The following CPZ variants were observed in gnomAD, a reference collection of about 807,000 sequenced individuals.
The protein encoded by CPZ is carboxypeptidase Z.
A neutral mutation model predicts 61.8 loss-of-function variants in CPZ; 103 were observed. The ratio of observed to expected loss-of-function variants is 1.67; its 90% CI spans 1.42 to 1.96. CPZ has a LOEUF of 1.96. Ranked by LOEUF, CPZ falls within the 30% of genes most tolerant of loss-of-function variation. The pLI is 0.00. For synonymous variants in CPZ, 551 were observed against 373.7 expected, an observed-to-expected ratio of 1.47 and a Z score of -5.47; for missense variants, 1,461 against 914.9, an observed-to-expected ratio of 1.60 and a Z score of -7.70.
chr4:8,613,612 C>G (rs1242649599), intron 8 of CPZ, among the ~76,000 whole-genome samples: 1 of 152,196 alleles, frequency 6.6e-6, no homozygotes, highest in Non-Finnish European at 1.5e-5. Context: ...CCTGTGGCCC[C>G]CGACACAGCC....
intron 1 of CPZ, among the ~76,000 whole-genome samples, 184 bp downstream of exon 1, chr4:8,593,105 A>G (rs1171156673): frequency 2.0e-5 from 3 of 152,064 alleles, no homozygotes; most frequent in Non-Finnish European, 4.4e-5. Context: ...TCTCCCCTGG[A>G]CGGGGACACC....
chr4:8,604,268 G>T, intron 4 of CPZ, 80 bp downstream of exon 4: 1 of 1,372,710 alleles, frequency 7.3e-7, no homozygotes, highest in Non-Finnish European at 9.7e-7. Context: ...TGCACAAGTT[G>T]GTGGGGTGTT....
intron 10 of CPZ, 135 bp downstream of exon 10, chr4:8,618,663 G>A (rs1206983507): frequency 2.6e-6 from 2 of 782,808 alleles, no homozygotes; most frequent in Admixed American, 2.4e-5. Flanking sequence ...CAGGCTGGCT[G>A]GGTCGGGGAG....
At chr4:8,611,988 G>A (rs1321602463) in intron 7 of CPZ, 39 bp from the exon 8 acceptor site, 2 of 1,613,102 alleles carry the variant, frequency 1.2e-6, no homozygotes, top group East Asian at 4.5e-5. Context: ...ACGTCCTGCA[G>A]GGGACCCTTT....
chr4:8,611,075 T>TTCATTCGC (rs1157077961), intron 7 of CPZ: 2 of 362,966 alleles, frequency 5.5e-6, no homozygotes, highest in Non-Finnish European at 5.8e-6. Flanking sequence ...CATTCACTCA[T>TTCATTCGC]TCATTCGCTC....
chr4:8,619,341 C>T lies in CPZ; in HGVS notation c.1683C>T (p.Val561=), dbSNP rs1040427279. Residue 561 remains valine (V), a synonymous_variant, in exon 11 of 11, where the codon GTC becomes GTT. Transcript: ENST00000360986. The stretch of plus-strand genomic sequence containing the variant: ...CCCAAGCCCCTGGCTACGCCAAAGT[C>T]ATCAAGAAAGTCATCATCCCCGCCC... ...VIAQAPGYAK[V]IKKVIIPARM... is the part of the protein sequence containing the mutation. 7.4e-6 allele frequency: 12 copies of T among 1,614,060 alleles called. No individual in the cohort carries two copies. The highest frequency in any genetic ancestry group is 2.7e-5 in the African/African-American group (2 of 74,934).
chr4:8,615,201 G>A (rs144141677), intron 9 of CPZ, among the ~76,000 whole-genome samples: 37 of 152,214 alleles, frequency 2.4e-4, no homozygotes, highest in Admixed American at 3.3e-4. Context: ...GCAGGCAGGT[G>A]GGAGGTGAGT....
At chr4:8,614,940 A>G (rs921971162) in intron 9 of CPZ, among the ~76,000 whole-genome samples, 2 of 151,996 alleles carry the variant, frequency 1.3e-5, no homozygotes, top group Admixed American at 1.3e-4. Context: ...TAGAACCCCA[A>G]GGGGACATCA....
intron 7 of CPZ, among the ~76,000 whole-genome samples, chr4:8,608,738 G>A (rs1413150173): frequency 6.6e-6 from 1 of 152,082 alleles, no homozygotes; most frequent in Non-Finnish European, 1.5e-5. Flanking sequence ...TGAGGTGGCG[G>A]TTTCCCAAAA....
chr4:8,603,126 A>G (rs1351915396), intron 3 of CPZ: 1 of 152,264 alleles, frequency 6.6e-6, no homozygotes, highest in Non-Finnish European at 1.5e-5. Flanking sequence ...CGTTTTGAGC[A>G]GAAGCAAAAC....
chr4:8,613,109 G>T (rs1018466238), intron 8 of CPZ, among the ~76,000 whole-genome samples: 1 of 151,328 alleles, frequency 6.6e-6, no homozygotes, highest in South Asian at 2.1e-4. Flanking sequence ...CACGAGCAGA[G>T]CTGGGAGAGG....
Position 8,606,034 on chromosome 4 carries a change from T to G in CPZ, c.755T>G (p.Val252Gly). ...ATCGGCAACATTCATGGCAACGAGG[T>G]GGCGGGCCGGGAGATGCTCATCTAC... ...KLIGNIHGNE[V>G]AGREMLIYLA... is the part of the protein sequence containing the mutation. Residue 252 changes from valine (V) to glycine (G), a missense_variant, in exon 5 of 11, where the codon GTG (valine) becomes GGG (glycine). Transcript: ENST00000360986. 1 of 1,614,064 alleles carries G rather than the reference T, an allele frequency of 6.2e-7. No individual in the cohort carries two copies. The highest frequency in any genetic ancestry group is 8.5e-7 in the Non-Finnish European group (1 of 1,179,968).
At chr4:8,601,603 G>A (rs1489802733) in intron 3 of CPZ, 106 bp downstream of exon 3, 5 of 1,222,778 alleles carry the variant, frequency 4.1e-6, no homozygotes, top group Admixed American at 3.1e-5. Flanking sequence ...CGACAGTGAC[G>A]GTGCAGGCAT....
At chr4:8,603,635 C>A (rs537568670) in intron 3 of CPZ, 3 of 322,358 alleles carry the variant, frequency 9.3e-6, no homozygotes, top group South Asian at 5.2e-5. Context: ...CCTCTGCACA[C>A]CCAGCAGGGG....
chr4:8,616,622 G>A (rs1293261229), intron 9 of CPZ, among the ~76,000 whole-genome samples: 7 of 152,200 alleles, frequency 4.6e-5, no homozygotes, highest in African/African-American at 1.7e-4. Context: ...GGCCCGGTGA[G>A]GGGCTGGTGA....
In CPZ at chr4:8,619,547, G is replaced by T; in HGVS notation, c.1889G>T (p.Ser630Ile). The change falls in exon 11 of 11, where the codon AGT (serine) becomes ATT (isoleucine). Residue 630 changes from serine (S) to isoleucine (I), a missense_variant. Coordinates refer to ENST00000360986, the MANE Select transcript of CPZ (RefSeq NM_001014447.3). ...RARRQPSADG[S>I]KPWWWSYFTS... ...CGCAGGCAGCCCTCGGCCGACGGGA[G>T]TAAGCCCTGGTGGTGGTCCTACTTC... The T allele has an allele frequency of 6.4e-7, 1 of 1,564,216 alleles. No individual in the cohort carries two copies. The highest frequency in any genetic ancestry group is 1.4e-5 in the African/African-American group (1 of 73,710).
At chr4:8,614,313 C>G (rs761820294) in intron 8 of CPZ, 46 bp from the exon 9 acceptor site, 1 of 1,589,684 alleles carries the variant, frequency 6.3e-7, no homozygotes, top group South Asian at 1.1e-5. Context: ...CCGGCTGTCT[C>G]TGTGCGGCTG....
intron 1 of CPZ, among the ~76,000 whole-genome samples, chr4:8,593,968 G>A (rs1713985210): frequency 6.6e-6 from 1 of 152,132 alleles, no homozygotes; most frequent in Admixed American, 6.5e-5. Context: ...GCCCCTGAGA[G>A]CCCAGACAGT....
At chr4:8,605,934 C>T (rs1185181871) in intron 4 of CPZ, 55 bp from the exon 5 acceptor site, 2 of 1,570,600 alleles carry the variant, frequency 1.3e-6, no homozygotes, top group Non-Finnish European at 1.7e-6. Context: ...GGCCTCATGC[C>T]TTTGGGGACC....
Sources: allele counts gnomAD v4.1 joint callset (sites outside exome capture counted in the v4.1 genomes callset), GRCh38; gene constraint gnomAD v4.1.1; transcripts MANE v1.5; gene names NCBI Gene and HGNC (gene_info 2026-07-23, HGNC 2026-07-21).